NCAM2: variants seen among roughly 807,000 people sequenced by gnomAD.
NCAM2 encodes N-CAM-2.
A neutral mutation model predicts 98.1 loss-of-function variants in NCAM2; 30 were observed. The observed-to-expected ratio is 0.31, with a 90% CI of 0.23 to 0.41. The LOEUF is 0.41. Ranked by LOEUF, NCAM2 falls within the 10% of genes least tolerant of loss-of-function variation. The pLI, the probability that NCAM2 is intolerant of heterozygous loss-of-function variation, is 1.00. For missense variants in NCAM2, 867 were observed against 1,005.8 expected (o/e 0.86, Z 1.87); for synonymous variants, 368 against 342.4 (o/e 1.07, Z -0.83).
chr21:21,335,072 T>G (rs941241426), intron 6 of NCAM2, among the ~76,000 whole-genome samples: 1 of 152,080 alleles, frequency 6.6e-6, no homozygotes, highest in Non-Finnish European at 1.5e-5. Flanking sequence ...GAAGCTTCTG[T>G]GAAGAAATTT....
intron 5 of NCAM2, among the ~76,000 whole-genome samples, chr21:21,296,771 G>A (rs1461511596): frequency 2.0e-5 from 3 of 151,750 alleles, no homozygotes; most frequent in Non-Finnish European, 4.4e-5. Flanking sequence ...AAATCATCAT[G>A]TTATACCTGT....
At chr21:21,073,388 T>C (rs2065614133) in intron 1 of NCAM2, among the ~76,000 whole-genome samples, 1 of 152,222 alleles carries the variant, frequency 6.6e-6, no homozygotes. Flanking sequence ...GTTGCAAATG[T>C]AAGATACAGA....
At chr21:21,471,291 C>T (rs992238142) in intron 14 of NCAM2, among the ~76,000 whole-genome samples, 7 of 151,916 alleles carry the variant, frequency 4.6e-5, no homozygotes, top group Non-Finnish European at 1.0e-4. Flanking sequence ...TCTTCTCCAC[C>T]TCCTCCATCC....
chr21:21,065,886 C>G (rs968649910), intron 1 of NCAM2, among the ~76,000 whole-genome samples: 1 of 152,072 alleles, frequency 6.6e-6, no homozygotes, highest in East Asian at 1.9e-4. Flanking sequence ...AATTTTAATT[C>G]ACTAACTCTT....
intron 1 of NCAM2, among the ~76,000 whole-genome samples, chr21:21,263,942 G>T (rs768431505): frequency 1.3e-5 from 2 of 151,932 alleles, no homozygotes; most frequent in Non-Finnish European, 2.9e-5. Flanking sequence ...CCTAGGCAAA[G>T]AATTTATGAT....
intron 15 of NCAM2, among the ~76,000 whole-genome samples, chr21:21,502,696 TATC>T (rs1987715714): frequency 6.6e-6 from 1 of 151,984 alleles, no homozygotes; most frequent in South Asian, 2.1e-4. Flanking sequence ...TACGTAGTAA[TATC>T]ATCAACACCA....
At chr21:21,193,970 T>G (rs1346413139) in intron 1 of NCAM2, among the ~76,000 whole-genome samples, 1 of 152,198 alleles carries the variant, frequency 6.6e-6, no homozygotes, top group Non-Finnish European at 1.5e-5. Flanking sequence ...GAATTTTATG[T>G]GCCTTGTATT....
At chr21:21,477,797 A>G (rs772164981) in intron 15 of NCAM2, among the ~76,000 whole-genome samples, 3 of 152,144 alleles carry the variant, frequency 2.0e-5, no homozygotes, top group Non-Finnish European at 2.9e-5. Flanking sequence ...TAAGAAGACA[A>G]TTTCTCTGCC....
chr21:21,173,377 C>G (rs373494307), intron 1 of NCAM2, among the ~76,000 whole-genome samples: 1 of 152,114 alleles, frequency 6.6e-6, no homozygotes. Flanking sequence ...CTTAGAGGCA[C>G]ATTAATAGAC....
At chr21:21,496,045 GCCC>G (rs1372859221) in intron 15 of NCAM2, among the ~76,000 whole-genome samples, 2 of 149,250 alleles carry the variant, frequency 1.3e-5, no homozygotes, top group Admixed American at 6.7e-5. Flanking sequence ...ATGAAAACAT[GCCC>G]TTTAACAAAG....
At chr21:21,260,401 C>G (rs1331186777) in intron 1 of NCAM2, among the ~76,000 whole-genome samples, 1 of 151,742 alleles carries the variant, frequency 6.6e-6, no homozygotes, top group Non-Finnish European at 1.5e-5. Context: ...AAATAGTCAT[C>G]AAACTATCTA....
intron 1 of NCAM2, among the ~76,000 whole-genome samples, chr21:21,062,543 C>T (rs2065344593): frequency 6.6e-6 from 1 of 152,152 alleles, no homozygotes. Flanking sequence ...TTAGGACTTG[C>T]CCTCATAAGG....
chr21:21,394,619 G>T (rs945178374), intron 9 of NCAM2, among the ~76,000 whole-genome samples: 15 of 151,316 alleles, frequency 9.9e-5, no homozygotes, highest in African/African-American at 3.6e-4. Flanking sequence ...CTCCAGAGTA[G>T]CTGGGACTAC....
intron 15 of NCAM2, among the ~76,000 whole-genome samples, chr21:21,504,742 C>T (rs189694916): frequency 1.3e-5 from 2 of 151,522 alleles, no homozygotes; most frequent in Non-Finnish European, 3.0e-5. Flanking sequence ...TATATACATA[C>T]ATAGAACATA....
chr21:21,366,174 C>T (rs79055603), intron 8 of NCAM2, among the ~76,000 whole-genome samples: 10 of 151,954 alleles, frequency 6.6e-5, no homozygotes, highest in Non-Finnish European at 1.3e-4. Flanking sequence ...GGGAGATTTA[C>T]GTAAAAACAT....
At position 21,162,838 on chromosome 21, in the gene NCAM2, C is replaced by G. The variant is rs566557869; in HGVS notation, c.56-117740C>G. On this transcript the variant is annotated intron_variant, in intron 1 of 17. Coordinates refer to ENST00000400546, the MANE Select transcript of NCAM2 (RefSeq NM_004540.5). Reference sequence around the variant, plus strand: ...AAAAGTTGCCAACATCAGCACTGATCCGAAATATATCCGTTATTGGTGAAG... The same window carrying G: ...AAAAGTTGCCAACATCAGCACTGATGCGAAATATATCCGTTATTGGTGAAG... Among the ~76,000 whole-genome samples, 22 of 152,154 alleles carry G rather than the reference C, an allele frequency of 1.4e-4. No homozygotes were observed. In the South Asian group the frequency reaches 4.6e-3, roughly 32 times the overall value.
intron 1 of NCAM2, among the ~76,000 whole-genome samples, chr21:21,167,020 T>C (rs1301284809): frequency 6.6e-6 from 1 of 152,262 alleles, no homozygotes; most frequent in Non-Finnish European, 1.5e-5. Flanking sequence ...TATTGCTTTA[T>C]CTCCAAATTA....
intron 1 of NCAM2, among the ~76,000 whole-genome samples, chr21:21,025,377 G>A (rs541745533): frequency 2.0e-5 from 3 of 152,230 alleles, no homozygotes; most frequent in East Asian, 1.9e-4. Flanking sequence ...GAGCCACTGC[G>A]CCCGGCCATT....
At chr21:21,497,682 A>G (rs1312686138) in intron 15 of NCAM2, among the ~76,000 whole-genome samples, 4 of 152,136 alleles carry the variant, frequency 2.6e-5, no homozygotes, top group Non-Finnish European at 5.9e-5. Flanking sequence ...CTCAGTACTG[A>G]AGAATAAGTG....
Sources: allele counts gnomAD v4.1 joint callset (sites outside exome capture counted in the v4.1 genomes callset), GRCh38; gene constraint gnomAD v4.1.1; transcripts MANE v1.5; gene names NCBI Gene and HGNC (gene_info 2026-07-23, HGNC 2026-07-21).